Variants in DPP6 observed in about 807,000 individuals in gnomAD.
DPP6 encodes A-type potassium channel modulatory protein DPP6.
A neutral mutation model predicts 122.6 loss-of-function variants in DPP6; 69 were observed. The ratio of observed to expected loss-of-function variants is 0.56; its 90% CI spans 0.46 to 0.69. The LOEUF (loss-of-function observed/expected upper bound fraction) is 0.69. DPP6 is among the 30% of genes least tolerant of loss of function. DPP6 has a pLI of 0.00. For synonymous variants in DPP6, 418 were observed against 433.1 expected (o/e 0.97, Z 0.43); for missense variants, 928 against 1,116.9 (o/e 0.83, Z 2.41).
chr7:153,843,268 G>C, the DPP6 span, among the ~76,000 whole-genome samples: 3 of 105,440 alleles, frequency 2.8e-5, no homozygotes, highest in African/African-American at 9.4e-5. Flanking sequence ...AGACACACAC[G>C]CATGCGCGCG....
At chr7:154,200,278 T>G (rs753952354) in intron 1 of DPP6, among the ~76,000 whole-genome samples, 5 of 152,198 alleles carry the variant, frequency 3.3e-5, no homozygotes, top group African/African-American at 9.6e-5. Context: ...TCATATAATT[T>G]GTAAAGAGCA....
chr7:154,621,514 T>G (rs1438185784), intron 5 of DPP6, among the ~76,000 whole-genome samples: 3 of 151,800 alleles, frequency 2.0e-5, no homozygotes, highest in South Asian at 2.1e-4. Flanking sequence ...GATTACAGGC[T>G]CATGCCACCA....
intron 1 of DPP6, among the ~76,000 whole-genome samples, chr7:154,292,739 G>A (rs1462517800): frequency 6.6e-6 from 1 of 151,994 alleles, no homozygotes; most frequent in Non-Finnish European, 1.5e-5. Context: ...TCTCGTTTTT[G>A]ATTTCCTAGG....
At chr7:154,884,853 AC>A (rs1438789749) in intron 21 of DPP6, 1 of 152,410 alleles carries the variant, frequency 6.6e-6, no homozygotes, top group African/African-American at 2.4e-5. Flanking sequence ...GTGCTTATAC[AC>A]ATACACCCAT....
At chr7:154,420,857 G>A (rs1329878030) in intron 1 of DPP6, among the ~76,000 whole-genome samples, 1 of 151,944 alleles carries the variant, frequency 6.6e-6, no homozygotes, top group African/African-American at 2.4e-5. Flanking sequence ...AAATCATTAT[G>A]CAAAATGAGT....
chr7:154,400,204 C>T (rs963139595), intron 1 of DPP6, among the ~76,000 whole-genome samples: 6 of 152,130 alleles, frequency 3.9e-5, no homozygotes, highest in Non-Finnish European at 7.3e-5. Flanking sequence ...GCTCTCCTTG[C>T]GGGAGACGCC....
intron 16 of DPP6, among the ~76,000 whole-genome samples, chr7:154,837,718 A>G (rs1333258220): frequency 6.6e-6 from 1 of 152,228 alleles, no homozygotes; most frequent in African/African-American, 2.4e-5. Context: ...TCCGCTTTCA[A>G]CTTAAACCTG....
intron 9 of DPP6, among the ~76,000 whole-genome samples, chr7:154,771,419 C>A (rs188843257): frequency 1.3e-5 from 2 of 152,358 alleles, no homozygotes; most frequent in African/African-American, 4.8e-5. Context: ...CATGAAGGGG[C>A]AAGAGAGGGC....
chr7:154,676,050 A>G (rs148208905), intron 7 of DPP6, among the ~76,000 whole-genome samples: 16 of 152,352 alleles, frequency 1.1e-4, no homozygotes, highest in African/African-American at 3.8e-4. Context: ...GGACATGGCC[A>G]TGGGGTGTGC....
chr7:154,110,733 G>A (rs1234780477), intron 1 of DPP6, among the ~76,000 whole-genome samples: 6 of 151,794 alleles, frequency 4.0e-5, no homozygotes, highest in African/African-American at 9.7e-5. Context: ...GAAATGGGTC[G>A]GGAGTTCTCC....
At chr7:154,832,157 T>G (rs1436707120) in intron 16 of DPP6, among the ~76,000 whole-genome samples, 2 of 152,182 alleles carry the variant, frequency 1.3e-5, no homozygotes, top group African/African-American at 2.4e-5. Flanking sequence ...TCGGCTCAGT[T>G]CCTGAGTGGC....
At chr7:153,983,950 T>C (rs1371814189) in intron 1 of DPP6, among the ~76,000 whole-genome samples, 1 of 152,080 alleles carries the variant, frequency 6.6e-6, no homozygotes, top group African/African-American at 2.4e-5. Context: ...ACCTTCTGCA[T>C]TGGTCTCGCT....
At chr7:154,479,055 T>C (rs1284037516) in intron 3 of DPP6, among the ~76,000 whole-genome samples, 1 of 152,258 alleles carries the variant, frequency 6.6e-6, no homozygotes, top group Non-Finnish European at 1.5e-5. Context: ...TAATACGCTT[T>C]ATTTATCAGG....
chr7:154,248,593 C>T (rs1180260439), intron 1 of DPP6, among the ~76,000 whole-genome samples: 1 of 152,158 alleles, frequency 6.6e-6, no homozygotes, highest in Non-Finnish European at 1.5e-5. Flanking sequence ...AGGCTGGGCG[C>T]CGTGGCTCAC....
At chr7:153,966,154 T>A (rs39177) in intron 1 of DPP6, among the ~76,000 whole-genome samples, 1 of 89,704 alleles carries the variant, frequency 1.1e-5, no homozygotes, top group African/African-American at 4.0e-5. Flanking sequence ...CTCGTGGCGT[T>A]GAAAAGCTTC....
At chr7:154,593,541 A>G (rs1455979641) in intron 5 of DPP6, among the ~76,000 whole-genome samples, 1 of 152,218 alleles carries the variant, frequency 6.6e-6, no homozygotes, top group Non-Finnish European at 1.5e-5. Context: ...GAATCTTAGG[A>G]CATGCACATT....
the DPP6 span, among the ~76,000 whole-genome samples, chr7:153,754,346 A>G: frequency 0.019 from 2,845 of 152,260 alleles, 33 homozygotes; most frequent in African/African-American, 0.036. Flanking sequence ...CAGAATTTTT[A>G]CTTCTTTTTC....
intron 1 of DPP6, among the ~76,000 whole-genome samples, chr7:154,300,095 T>C (rs1309653137): frequency 6.6e-6 from 1 of 152,164 alleles, no homozygotes; most frequent in Admixed American, 6.5e-5. Context: ...ATCTGAGAAA[T>C]TGCTAATAGA....
At chr7:154,600,569 A>G (rs77456725) in intron 5 of DPP6, among the ~76,000 whole-genome samples, 4,425 of 121,346 alleles carry the variant, frequency 0.036, 933 homozygotes, top group African/African-American at 0.11. Context: ...CAAGAAACCT[A>G]TTGTGGTAAC....
Sources: gnomAD v4.1 joint callset for allele counts (sites outside exome capture counted in the v4.1 genomes callset) on GRCh38, gnomAD v4.1.1 for gene constraint, MANE v1.5 for transcripts, NCBI Gene and HGNC (gene_info 2026-07-23, HGNC 2026-07-21) for gene names.